The following ELAC2 variants were observed in gnomAD, a reference collection of about 807,000 sequenced individuals.
ELAC2 encodes elaC ribonuclease Z 2.
In ELAC2, 92 loss-of-function variants were observed where a neutral mutation model predicts 105.2. The observed-to-expected ratio is 0.87, with a 90% CI of 0.74 to 1.04. The LOEUF (loss-of-function observed/expected upper bound fraction) is 1.04. Ranked by LOEUF, ELAC2 falls within the 50% of genes least tolerant of loss-of-function variation. The pLI, the probability that ELAC2 is intolerant of heterozygous loss-of-function variation, is 0.00. For synonymous variants in ELAC2, 468 were observed against 409.1 expected (o/e 1.14, Z -1.74); for missense variants, 1,099 against 1,071.7 (o/e 1.03, Z -0.36).
intron 3 of ELAC2, among the ~76,000 whole-genome samples, chr17:13,016,434 T>C (rs1183251274): frequency 6.6e-6 from 1 of 152,220 alleles, no homozygotes; most frequent in East Asian, 1.9e-4. Flanking sequence ...TATTAAAATC[T>C]GTTCTCCTGA....
At position 12,995,707 on chromosome 17, in the gene ELAC2, T is replaced by G; in HGVS notation, c.1804A>C (p.Ile602Leu). ...HNQCQEVLHHISMIPAKCLQE... is the reference protein window; with the variant it reads ...HNQCQEVLHHLSMIPAKCLQE... ...CAGGCTGCCCTGGATGCTCACCTGA[T>G]GTGGTGCAGGACCTCCTGGCACTGG... Residue 602 changes from isoleucine (I) to leucine (L), a missense_variant, in exon 19 of 24, where the codon ATC becomes CTC. By Grantham distance (5) the Ile-to-Leu change is conservative (BLOSUM62 2). Coordinates refer to ENST00000338034, the MANE Select transcript of ELAC2 (RefSeq NM_018127.7). The G allele has an allele frequency of 1.2e-6, 2 of 1,610,154 alleles. No homozygotes were observed.
At chr17:13,006,658 A>T (rs774721538) in intron 8 of ELAC2, 4 of 154,210 alleles carry the variant, frequency 2.6e-5, no homozygotes, top group Non-Finnish European at 4.3e-5. Flanking sequence ...AAGGAATGTC[A>T]CCAGAGCGTT....
chr17:12,994,895 G>A lies in ELAC2; in HGVS notation c.1909-11C>T, dbSNP rs376456811. The A allele has an allele frequency of 6.2e-7, 1 of 1,613,958 alleles. No homozygotes were observed. The highest frequency in any genetic ancestry group is 1.3e-5 in the African/African-American group (1 of 74,914). ...CAGACAGGTCTGAAACTGAAAGGGTGGGGCTGGAGGGCTCTGCAGCTCTGC... is the reference window on the plus strand; with the variant it reads ...CAGACAGGTCTGAAACTGAAAGGGTAGGGCTGGAGGGCTCTGCAGCTCTGC... On this transcript the variant is annotated splice_polypyrimidine_tract_variant and intron_variant, in intron 20 of 23. Coordinates refer to ENST00000338034, the MANE Select transcript of ELAC2 (RefSeq NM_018127.7).
chr17:13,002,340 C>A lies in ELAC2; in HGVS notation c.1238G>T (p.Ser413Ile), dbSNP rs1446980653. Reference sequence around the variant, plus strand: ...GCATTCACCCTGAACCATGGGCACACTGAGGGTGGGGCCCTCCTTCTGAAA... The same window carrying A: ...GCATTCACCCTGAACCATGGGCACAATGAGGGTGGGGCCCTCCTTCTGAAA... ...FRCKKEGPTL[S>I]VPMVQGECLL... is the part of the protein sequence containing the mutation. The change falls in exon 14 of 24, where the codon AGT (serine) becomes ATT (isoleucine). Residue 413 changes from serine to isoleucine, a missense_variant. Coordinates refer to ENST00000338034, the MANE Select transcript of ELAC2 (RefSeq NM_018127.7). 6.2e-7 allele frequency: 1 copy of A among 1,614,208 alleles called. No homozygotes were observed.
In ELAC2 at chr17:13,003,480, T is replaced by A. The variant is rs757575765; in HGVS notation, c.1078A>T (p.Arg360Trp). 4 of 1,613,850 alleles carry A rather than the reference T, an allele frequency of 2.5e-6. No individual in the cohort carries two copies. The highest frequency in any genetic ancestry group is 2.5e-6 in the Non-Finnish European group (3 of 1,179,946). Residue 360 changes from arginine (R) to tryptophan (W), a missense_variant and splice_region_variant, in exon 12 of 24, where the codon AGG becomes TGG. Transcript: ENST00000338034. ...VDSRYQQWME[R>W]FGPDTQHLVL... ...GTGCCGCTGGGCTGGGCTCCATACC[T>A]CTCCATCCACTGCTGGTACCTGCTG...
rs1276616440 is a variant in ELAC2 at position 12,993,686 on chromosome 17, C to G, written c.2253+1G>C. On this transcript the variant is annotated splice_donor_variant, in intron 23 of 23. Coordinates refer to ENST00000338034, the MANE Select transcript of ELAC2 (RefSeq NM_018127.7). LOFTEE classifies it high-confidence loss of function. ...CTGTGCTGTCCGTGTGACATACAGA[C>G]CTTCATGTGGTCAAAGGCAACTCCC... is the stretch of plus-strand genomic sequence containing the variant. 1.2e-6 allele frequency: 2 copies of G among 1,614,064 alleles called. No homozygotes were observed.
At position 13,017,731 on chromosome 17, in the gene ELAC2, C is replaced by T; in HGVS notation, c.217G>A (p.Ala73Thr). 2 of 1,612,490 alleles carry T rather than the reference C, an allele frequency of 1.2e-6. No individual in the cohort carries two copies. Among genetic ancestry groups the T allele is most frequent in the Non-Finnish European group, 1.7e-6 (2 of 1,179,650 alleles). ...VAAGSRDSGA[A>T]LYVFSEFNRY... The stretch of plus-strand genomic sequence containing the variant: ...TTGAACTCGGAGAAGACGTAGAGCG[C>T]GGCGCCCGAGTCCCGGCTACCCGCT... The change falls in exon 1 of 24, where the codon GCG becomes ACG. Residue 73 changes from alanine to threonine, a missense_variant. Transcript: ENST00000338034.
At chr17:13,016,343 C>T (rs1430170922) in intron 3 of ELAC2, among the ~76,000 whole-genome samples, 1 of 152,240 alleles carries the variant, frequency 6.6e-6, no homozygotes, top group Non-Finnish European at 1.5e-5. Context: ...CACTGCTAGA[C>T]TCTCCAGTTT....
At chr17:13,009,604 A>G (rs1203823438) in intron 8 of ELAC2, among the ~76,000 whole-genome samples, 4 of 152,234 alleles carry the variant, frequency 2.6e-5, no homozygotes, top group Non-Finnish European at 1.5e-5. Flanking sequence ...GAGTTAAAAG[A>G]CTTTGAATAA....
Position 12,996,687 on chromosome 17 carries a change from T to C in ELAC2, c.1521-2A>G, listed in dbSNP as rs1462960034. 3 of 1,612,978 alleles carry C rather than the reference T, an allele frequency of 1.9e-6. No homozygotes were observed. Among genetic ancestry groups the C allele is most frequent in the Non-Finnish European group, 2.5e-6 (3 of 1,179,728 alleles). ...TCCAGTAGCAGAGACGTGTCGGGGC[T>C]GCAGAAGAGAAGAGGAAGAGAGTCA... is the stretch of plus-strand genomic sequence containing the variant. On this transcript the variant is annotated splice_acceptor_variant, in intron 16 of 23. Coordinates refer to ENST00000338034, the MANE Select transcript of ELAC2 (RefSeq NM_018127.7). LOFTEE classifies it high-confidence loss of function.
At chr17:13,014,647 T>C in intron 4 of ELAC2, 151 bp from the exon 5 acceptor site, 1 of 693,656 alleles carries the variant, frequency 1.4e-6, no homozygotes, top group Non-Finnish European at 2.6e-6. Context: ...ATTTACTGAG[T>C]ATCCATTATA....
chr17:13,017,129 A>G lies in ELAC2; in HGVS notation c.246-8T>C, dbSNP rs746146301. On this transcript the variant is annotated splice_polypyrimidine_tract_variant and splice_region_variant and intron_variant, in intron 1 of 23. Coordinates refer to ENST00000338034, the MANE Select transcript of ELAC2 (RefSeq NM_018127.7). ...CCACAGTTGAAGAGATACCTACAAGACAAACATTACACAAGACATTCAGAA... is the reference window on the plus strand; with the variant it reads ...CCACAGTTGAAGAGATACCTACAAGGCAAACATTACACAAGACATTCAGAA... 4 of 1,613,192 alleles carry G rather than the reference A, an allele frequency of 2.5e-6. No individual in the cohort carries two copies. The highest frequency in any genetic ancestry group is 1.1e-5 in the South Asian group (1 of 91,070).
chr17:12,994,482 A>G lies in ELAC2; in HGVS notation c.2051T>C (p.Ile684Thr). ...ACCATCTTCCAGGGTGGCTTCATGT[A>G]TCAGGAGGGTGGCATCTTTCCCTGG... Reference protein sequence around the residue: ...VRMGKDATLLIHEATLEDGLE... With the variant: ...VRMGKDATLLTHEATLEDGLE... The change falls in exon 22 of 24, where the codon ATA (isoleucine) becomes ACA (threonine). Residue 684 changes from isoleucine to threonine, a missense_variant. Physicochemically the swap from Ile to Thr is moderately conservative, Grantham distance 89. Transcript: ENST00000338034. The G allele has an allele frequency of 6.2e-7, 1 of 1,614,130 alleles. No homozygotes were observed. The highest frequency in any genetic ancestry group is 8.5e-7 in the Non-Finnish European group (1 of 1,180,032).
chr17:12,994,238 CT>C (rs2143550667), intron 22 of ELAC2, among the ~76,000 whole-genome samples, 186 bp downstream of exon 22: 1 of 152,312 alleles, frequency 6.6e-6, no homozygotes, highest in African/African-American at 2.4e-5. Flanking sequence ...TAGAATCTTG[CT>C]TAGAAAATTC....
At chr17:13,008,267 T>C (rs1208440990) in intron 8 of ELAC2, among the ~76,000 whole-genome samples, 3 of 151,608 alleles carry the variant, frequency 2.0e-5, no homozygotes, top group African/African-American at 7.3e-5. Context: ...ATCCCAGCAC[T>C]TTGGGAGGCC....
intron 7 of ELAC2, 72 bp downstream of exon 7, chr17:13,011,591 T>C (rs1487401863): frequency 6.2e-6 from 10 of 1,611,694 alleles, no homozygotes; most frequent in Non-Finnish European, 8.5e-6. Flanking sequence ...AATGACTCTC[T>C]ACAAGCATTA....
chr17:12,998,857 G>A (rs1182421395), intron 15 of ELAC2, among the ~76,000 whole-genome samples: 3 of 152,158 alleles, frequency 2.0e-5, no homozygotes, highest in Non-Finnish European at 4.4e-5. Flanking sequence ...TCCTACTTGC[G>A]CTCCTCTGCC....
chr17:13,013,725 AG>A (rs1465807133), intron 5 of ELAC2, among the ~76,000 whole-genome samples: 1 of 152,198 alleles, frequency 6.6e-6, no homozygotes, highest in Non-Finnish European at 1.5e-5. Flanking sequence ...TAGCATCCTC[AG>A]TGAGGCCTCT....
chr17:13,008,937 C>T (rs1765584088), intron 8 of ELAC2, among the ~76,000 whole-genome samples: 2 of 152,182 alleles, frequency 1.3e-5, no homozygotes, highest in South Asian at 4.1e-4. Context: ...GATAATAGGG[C>T]AACTGCCCGA....
Sources: gnomAD v4.1 joint callset for allele counts (sites outside exome capture counted in the v4.1 genomes callset) on GRCh38, gnomAD v4.1.1 for gene constraint, MANE v1.5 for transcripts, NCBI Gene and HGNC (gene_info 2026-07-23, HGNC 2026-07-21) for gene names.